The following ACYP2 variants were observed in gnomAD, a reference collection of about 807,000 sequenced individuals.
The protein encoded by ACYP2 is acylphosphatase 2.
ACYP2 carries 12 observed loss-of-function variants against 11.2 expected under a neutral mutation model. The observed-to-expected ratio is 1.08, with a 90% CI of 0.69 to 1.74. The LOEUF (loss-of-function observed/expected upper bound fraction) is 1.74, where lower values mean the gene tolerates loss of function less well. ACYP2 is among the 40% of genes most tolerant of loss of function. ACYP2 has a pLI of 0.00. For synonymous variants in ACYP2, 43 were observed against 32.2 expected (o/e 1.33, Z -1.13); for missense variants, 134 against 101.9 (o/e 1.31, Z -1.35).
chr2:54,177,037 C>A (rs750881607), intron 6 of ACYP2, among the ~76,000 whole-genome samples: 9 of 152,178 alleles, frequency 5.9e-5, no homozygotes, highest in Admixed American at 1.3e-4. Context: ...GGAACCTGAC[C>A]TATGACATAT....
chr2:54,140,270 G>A lies in ACYP2; in HGVS notation c.404+1522G>A, dbSNP rs550127274. Among the ~76,000 whole-genome samples the A allele has an allele frequency of 3.3e-5, 5 of 152,136 alleles. No homozygotes were observed. The South Asian group carries it at 8.3e-4, about 25-fold the overall frequency. ...TAGAGATTATGTCCCATGATTCGAGGGAGCCTAGAAAAAAATAATAATATA... is the reference window on the plus strand; with the variant it reads ...TAGAGATTATGTCCCATGATTCGAGAGAGCCTAGAAAAAAATAATAATATA... On this transcript the variant is annotated intron_variant, in intron 6 of 6. Coordinates refer to ENST00000607452, the MANE Select transcript of ACYP2 (RefSeq NM_001320586.2).
At chr2:54,075,511 A>AAAAAAG (rs1553366352) in intron 4 of ACYP2, among the ~76,000 whole-genome samples, 9 of 120,336 alleles carry the variant, frequency 7.5e-5, no homozygotes, top group East Asian at 3.9e-4. Context: ...ATTAAAAAAA[A>AAAAAAG]AAAGAAAGAA....
chr2:53,979,966 A>G (rs187040385), intron 2 of ACYP2, among the ~76,000 whole-genome samples: 138 of 152,160 alleles, frequency 9.1e-4, no homozygotes, highest in Non-Finnish European at 1.3e-3. Context: ...TGCTGGGATT[A>G]TAGGCGTGAG....
intron 6 of ACYP2, among the ~76,000 whole-genome samples, chr2:54,181,600 T>G (rs1391412820): frequency 1.3e-5 from 2 of 152,206 alleles, no homozygotes; most frequent in African/African-American, 4.8e-5. Context: ...ATAATCTGAA[T>G]TCTGTAATAC....
intron 6 of ACYP2, among the ~76,000 whole-genome samples, chr2:54,179,591 C>CT (rs1311500465): frequency 6.6e-6 from 1 of 152,212 alleles, no homozygotes; most frequent in African/African-American, 2.4e-5. Context: ...TCATGCCTCC[C>CT]TTTTTTAGAC....
In ACYP2 at chr2:54,089,653, T is replaced by A. The variant is rs141414278; in HGVS notation, c.277+32293T>A. ...TACTCAGGGGGCTGAGGTGAAAGGATCGCCTAAGCCCCAGTGGTCAAGGTT... is the reference window on the plus strand; with the variant it reads ...TACTCAGGGGGCTGAGGTGAAAGGAACGCCTAAGCCCCAGTGGTCAAGGTT... On this transcript the variant is annotated intron_variant, in intron 4 of 6. Coordinates refer to ENST00000607452, the MANE Select transcript of ACYP2 (RefSeq NM_001320586.2). Among the ~76,000 whole-genome samples the A allele has an allele frequency of 1.7e-3, 261 of 152,002 alleles. 2 individuals carry two copies. The highest frequency in any genetic ancestry group is 2.6e-3 in the Admixed American group (40 of 15,266).
chr2:54,249,197 T>C (rs1275798168), intron 6 of ACYP2, among the ~76,000 whole-genome samples: 1 of 151,892 alleles, frequency 6.6e-6, no homozygotes, highest in Non-Finnish European at 1.5e-5. Flanking sequence ...AGAGAGATAA[T>C]ATTCAGGAAG....
At chr2:54,222,493 T>A (rs111917322) in intron 6 of ACYP2, among the ~76,000 whole-genome samples, 35,947 of 147,426 alleles carry the variant, frequency 0.24, 4,508 homozygotes, top group East Asian at 0.39. Context: ...GAGGTTGCAG[T>A]GAGCCAAGAT....
At chr2:54,113,143 T>G (rs1438012308) in intron 4 of ACYP2, among the ~76,000 whole-genome samples, 1 of 152,232 alleles carries the variant, frequency 6.6e-6, no homozygotes, top group African/African-American at 2.4e-5. Context: ...ATCTCTAGAT[T>G]ATTTAAAATA....
At chr2:53,992,974 G>GAAT (rs1672381440) in intron 2 of ACYP2, among the ~76,000 whole-genome samples, 2 of 152,204 alleles carry the variant, frequency 1.3e-5, no homozygotes, top group East Asian at 3.9e-4. Flanking sequence ...GGGAGGTCAA[G>GAAT]GCAGACGGAT....
At chr2:54,238,459 G>C (rs1255818328) in intron 6 of ACYP2, among the ~76,000 whole-genome samples, 1 of 152,158 alleles carries the variant, frequency 6.6e-6, no homozygotes, top group Admixed American at 6.5e-5. Flanking sequence ...AGTAAAGAAA[G>C]TGGAGAAGGC....
chr2:53,999,526 C>G (rs992091959), intron 2 of ACYP2, among the ~76,000 whole-genome samples: 4 of 152,150 alleles, frequency 2.6e-5, no homozygotes. Flanking sequence ...CTGGAATGTT[C>G]TAGCCCCTTT....
At chr2:54,145,153 T>C (rs969012230) in intron 6 of ACYP2, among the ~76,000 whole-genome samples, 1 of 152,204 alleles carries the variant, frequency 6.6e-6, no homozygotes, top group South Asian at 2.1e-4. Context: ...AATTCCCAGT[T>C]AAAACTTTTA....
intron 6 of ACYP2, among the ~76,000 whole-genome samples, chr2:54,267,100 G>A (rs1688067859): frequency 6.6e-6 from 1 of 152,178 alleles, no homozygotes; most frequent in South Asian, 2.1e-4. Context: ...ACGGAGTTGA[G>A]TGGGGAGAGG....
chr2:54,221,566 G>A (rs1039323518), intron 6 of ACYP2, among the ~76,000 whole-genome samples: 3 of 138,036 alleles, frequency 2.2e-5, no homozygotes, highest in Admixed American at 1.6e-4. Context: ...TGTTGCCCAG[G>A]CTAGAGTGCA....
intron 2 of ACYP2, among the ~76,000 whole-genome samples, chr2:54,021,811 AC>A (rs570134491): frequency 8.7e-4 from 132 of 152,292 alleles, no homozygotes; most frequent in African/African-American, 2.9e-3. Flanking sequence ...TTATTTTACA[AC>A]TGGGTTGTAC....
intron 6 of ACYP2, among the ~76,000 whole-genome samples, chr2:54,278,715 T>C (rs1168599365): frequency 2.0e-5 from 3 of 152,230 alleles, no homozygotes. Flanking sequence ...GCCATAAAAA[T>C]CAATTTGGCT....
chr2:54,055,187 C>T (rs1391924555), intron 3 of ACYP2, among the ~76,000 whole-genome samples: 1 of 152,086 alleles, frequency 6.6e-6, no homozygotes, highest in East Asian at 1.9e-4. Context: ...CAGGTGTGCA[C>T]CACCACACCT....
At chr2:54,061,480 T>G (rs564228120) in intron 4 of ACYP2, among the ~76,000 whole-genome samples, 1 of 152,190 alleles carries the variant, frequency 6.6e-6, no homozygotes, top group Non-Finnish European at 1.5e-5. Flanking sequence ...AGACTAAAGT[T>G]GCTGATGATG....
Sources: gnomAD v4.1 joint callset for allele counts (sites outside exome capture counted in the v4.1 genomes callset) on GRCh38, gnomAD v4.1.1 for gene constraint, MANE v1.5 for transcripts, NCBI Gene and HGNC (gene_info 2026-07-23, HGNC 2026-07-21) for gene names.